Variants in ROBO2 observed in about 807,000 individuals in gnomAD.
ROBO2 encodes the protein roundabout homolog 2.
Under a neutral mutation model 160.8 loss-of-function variants are expected in ROBO2, and 53 were observed. The observed-to-expected ratio is 0.33, with a 90% confidence interval of 0.26 to 0.41. The LOEUF is 0.41. Ranked by LOEUF, ROBO2 falls within the 10% of genes least tolerant of loss-of-function variation. The pLI, the probability that ROBO2 is intolerant of heterozygous loss-of-function variation, is 1.00. For missense variants in ROBO2, 1,577 were observed against 1,722.4 expected (o/e 0.92, Z 1.49); for synonymous variants, 664 against 611.7 (o/e 1.09, Z -1.26).
chr3:76,241,589 G>A (rs1296679696), intron 2 of ROBO2, among the ~76,000 whole-genome samples: 1 of 152,174 alleles, frequency 6.6e-6, no homozygotes, highest in Non-Finnish European at 1.5e-5. Flanking sequence ...AGTGAATAGA[G>A]TAGCCCATTT....
intron 2 of ROBO2, among the ~76,000 whole-genome samples, chr3:77,321,086 G>T (rs34256813): frequency 6.6e-6 from 1 of 152,072 alleles, no homozygotes; most frequent in African/African-American, 2.4e-5. Context: ...AATTTATTGG[G>T]TCGGAGTTAA....
At chr3:77,320,437 G>C (rs141800888) in intron 2 of ROBO2, among the ~76,000 whole-genome samples, 2 of 152,042 alleles carry the variant, frequency 1.3e-5, no homozygotes, top group African/African-American at 4.8e-5. Context: ...CGCTGCTTCT[G>C]TCTTTGCCTC....
chr3:77,116,658 A>C (rs1485247682), intron 2 of ROBO2, among the ~76,000 whole-genome samples: 1 of 152,208 alleles, frequency 6.6e-6, no homozygotes, highest in Non-Finnish European at 1.5e-5. Flanking sequence ...TTTCCAATTA[A>C]GTCTGTGTTC....
chr3:76,000,082 C>T (rs1450780926), intron 2 of ROBO2, among the ~76,000 whole-genome samples: 4 of 152,160 alleles, frequency 2.6e-5, no homozygotes, highest in Admixed American at 2.0e-4. Context: ...CACAGTTCCA[C>T]GTGGCTGGGA....
At position 77,121,196 on chromosome 3, in the gene ROBO2, C is replaced by T. The variant is rs545235941; in HGVS notation, c.388+22856C>T. Among the ~76,000 whole-genome samples, 154 of 152,192 alleles carry T rather than the reference C, an allele frequency of 1.0e-3. 1 individual carries two copies. Among genetic ancestry groups the T allele is most frequent in the Non-Finnish European group, 1.9e-3 (132 of 68,016 alleles). On this transcript the variant is annotated intron_variant, in intron 2 of 25. Transcript: ENST00000461745. ...CTGACCTGAGGTGATCCACCTGCTTCGGCCTCCCAAAGTGCTGTGATTAAA... is the reference window on the plus strand; with the variant it reads ...CTGACCTGAGGTGATCCACCTGCTTTGGCCTCCCAAAGTGCTGTGATTAAA...
intron 2 of ROBO2, among the ~76,000 whole-genome samples, chr3:76,134,727 C>A (rs980945929): frequency 2.0e-5 from 3 of 151,972 alleles, no homozygotes; most frequent in Non-Finnish European, 2.9e-5. Flanking sequence ...GATTCCTGAC[C>A]CATGGAATCC....
At chr3:76,124,092 G>A (rs2070866249) in intron 2 of ROBO2, among the ~76,000 whole-genome samples, 1 of 134,120 alleles carries the variant, frequency 7.5e-6, no homozygotes, top group Non-Finnish European at 1.6e-5. Context: ...TAGTATTGAT[G>A]TCAAGAAAGA....
intron 2 of ROBO2, among the ~76,000 whole-genome samples, chr3:76,362,039 G>A (rs1177228631): frequency 6.6e-6 from 1 of 152,002 alleles, no homozygotes; most frequent in Non-Finnish European, 1.5e-5. Context: ...TAAGTTTTAT[G>A]CCATGATAAA....
At chr3:76,637,900 A>G (rs1439749990) in intron 2 of ROBO2, among the ~76,000 whole-genome samples, 1 of 152,178 alleles carries the variant, frequency 6.6e-6, no homozygotes, top group Non-Finnish European at 1.5e-5. Context: ...GGGTTTCTTG[A>G]AATACTATTG....
In ROBO2 at chr3:76,757,357, C is replaced by T. The variant is rs1379382712; in HGVS notation, c.110-340657C>T. On this transcript the variant is annotated intron_variant, in intron 2 of 26. Transcript: ENST00000487694. The stretch of plus-strand genomic sequence containing the variant: ...TGTACATCCAAAATAAAGAGAGGAA[C>T]GCCTTAGCTGGAACAAAAAGAAGAG... 5.9e-5 allele frequency among the ~76,000 whole-genome samples: 9 copies of T among 151,750 alleles called. No homozygotes were observed. The South Asian group carries it at 6.2e-4, about 10-fold the overall frequency.
At chr3:76,409,841 G>T (rs1367479397) in intron 2 of ROBO2, among the ~76,000 whole-genome samples, 1 of 151,970 alleles carries the variant, frequency 6.6e-6, no homozygotes, top group Non-Finnish European at 1.5e-5. Flanking sequence ...CGAAACAAAT[G>T]GTTATTACTT....
intron 2 of ROBO2, among the ~76,000 whole-genome samples, chr3:76,410,196 C>T (rs1267615711): frequency 6.6e-6 from 1 of 151,970 alleles, no homozygotes; most frequent in African/African-American, 2.4e-5. Context: ...CCAATGAGGC[C>T]CTAAGGGTTT....
intron 2 of ROBO2, among the ~76,000 whole-genome samples, chr3:76,098,553 G>A (rs1276526237): frequency 9.8e-6 from 1 of 102,380 alleles, no homozygotes; most frequent in Non-Finnish European, 2.2e-5. Context: ...TCTGATAAAA[G>A]ATAAATCAAA....
At chr3:75,939,703 A>C (rs567156173) in intron 2 of ROBO2, among the ~76,000 whole-genome samples, 18 of 152,278 alleles carry the variant, frequency 1.2e-4, no homozygotes, top group Admixed American at 1.0e-3. Flanking sequence ...TTGCAAGTAT[A>C]ACCCAAGCTG....
chr3:76,226,511 G>T (rs1157878314), intron 2 of ROBO2, among the ~76,000 whole-genome samples: 1 of 152,132 alleles, frequency 6.6e-6, no homozygotes, highest in Admixed American at 6.6e-5. Context: ...GGAGAACTAC[G>T]TGTTCTCTAA....
intron 1 of ROBO2, among the ~76,000 whole-genome samples, chr3:77,045,927 G>A (rs896389655): frequency 4.6e-5 from 7 of 152,146 alleles, no homozygotes; most frequent in Admixed American, 3.9e-4. Context: ...AGGGTCATCC[G>A]TGTCATAGCA....
intron 4 of ROBO2, among the ~76,000 whole-genome samples, chr3:77,484,047 C>T (rs1477888614): frequency 6.6e-6 from 1 of 151,782 alleles, no homozygotes; most frequent in Non-Finnish European, 1.5e-5. Context: ...TCGGTGTAAC[C>T]TAACTTTAAA....
In ROBO2 at chr3:76,199,138, C is replaced by T. The variant is rs142950326; in HGVS notation, c.109+261536C>T. ...CTGTTGCCTCAACCTTGAAAGCCCTCCCAGTCTGCCACCCAAGCATTCACA... is the reference window on the plus strand; with the variant it reads ...CTGTTGCCTCAACCTTGAAAGCCCTTCCAGTCTGCCACCCAAGCATTCACA... On this transcript the variant is annotated intron_variant, in intron 2 of 26. Coordinates refer to the ROBO2 transcript ENST00000487694. Among the ~76,000 whole-genome samples the T allele has an allele frequency of 3.8e-3, 577 of 152,240 alleles. 5 individuals are homozygous for T. Among genetic ancestry groups the T allele is most frequent in the African/African-American group, 0.013 (547 of 41,560 alleles).
chr3:76,864,109 G>T (rs573806590), intron 2 of ROBO2, among the ~76,000 whole-genome samples: 2 of 151,934 alleles, frequency 1.3e-5, no homozygotes, highest in East Asian at 3.9e-4. Context: ...TCCAGAATTG[G>T]TTCTCTCATT....
Sources: gnomAD v4.1 joint callset for allele counts (sites outside exome capture counted in the v4.1 genomes callset) on GRCh38, gnomAD v4.1.1 for gene constraint, MANE v1.5 for transcripts, NCBI Gene and HGNC (gene_info 2026-07-23, HGNC 2026-07-21) for gene names.